Variants in RBFOX2 observed in about 807,000 individuals in gnomAD.
RBFOX2 encodes the protein RNA binding fox-1 homolog 2.
RBFOX2 carries 10 observed loss-of-function variants against 49.1 expected under a neutral mutation model. The ratio of observed to expected loss-of-function variants is 0.20; its 90% CI spans 0.13 to 0.35. The LOEUF is 0.35. RBFOX2 is among the 10% of genes least tolerant of loss of function. RBFOX2 has a pLI of 1.00. For missense variants in RBFOX2, 323 were observed against 486.9 expected, an observed-to-expected ratio of 0.66 and a Z score of 3.17; for synonymous variants, 183 against 187.4, an observed-to-expected ratio of 0.98 and a Z score of 0.19.
intron 1 of RBFOX2, among the ~76,000 whole-genome samples, chr22:35,967,996 T>C (rs2056661532): frequency 6.6e-6 from 1 of 152,188 alleles, no homozygotes; most frequent in South Asian, 2.1e-4. Flanking sequence ...AACATGTATA[T>C]GTATACACAT....
intron 1 of RBFOX2, among the ~76,000 whole-genome samples, chr22:36,022,261 T>A (rs2059273436): frequency 6.6e-6 from 1 of 152,202 alleles, no homozygotes; most frequent in Admixed American, 6.5e-5. Flanking sequence ...ATAACTCAAT[T>A]TCTTTCTCAG....
intron 1 of RBFOX2, among the ~76,000 whole-genome samples, chr22:35,814,427 G>A (rs1952549626): frequency 6.6e-6 from 1 of 151,930 alleles, no homozygotes; most frequent in Non-Finnish European, 1.5e-5. Flanking sequence ...ATAATGACAA[G>A]GCCCTGCATG....
intron 1 of RBFOX2, among the ~76,000 whole-genome samples, chr22:35,978,087 T>C (rs1438076225): frequency 1.3e-5 from 2 of 151,506 alleles, no homozygotes; most frequent in Non-Finnish European, 2.9e-5. Context: ...GGTGGTGGAG[T>C]CAGCCATCGC....
chr22:36,028,413 C>T lies in RBFOX2; in HGVS notation c.13G>A (p.Ala5Thr), dbSNP rs1285777321. 6 of 1,228,526 alleles carry T rather than the reference C, an allele frequency of 4.9e-6. 1 individual carries two copies. Among genetic ancestry groups the T allele is most frequent in the Non-Finnish European group, 6.1e-6 (6 of 987,896 alleles). The allele number at this position is 1,228,526 out of a possible 1,614,324, so 76.1% of individuals were successfully genotyped here. A position where few individuals can be genotyped will look rare whatever the true frequency, so the allele number is the denominator to read the frequency against. ...AGCTGAGGCGGCTGATGCGGCTGGG[C>T]GCCCTCCGCCATCCGCCCGCGCCCC... is the stretch of plus-strand genomic sequence containing the variant. Residue 5 changes from alanine to threonine, a missense_variant, in exon 1 of 14, where the codon GCC (alanine) becomes ACC (threonine). Transcript: ENST00000438146.
chr22:35,893,706 C>T lies in RBFOX2; in HGVS notation c.-34+45141G>A, dbSNP rs115670097. 2.6e-3 allele frequency among the ~76,000 whole-genome samples: 395 copies of T among 152,296 alleles called. 4 individuals are homozygous for T. Among genetic ancestry groups the T allele is most frequent in the African/African-American group, 9.3e-3 (386 of 41,548 alleles). On this transcript the variant is annotated intron_variant, in intron 1 of 13. Coordinates refer to the RBFOX2 transcript ENST00000359369. ...ATGAAGGGAGAAGCACGAAAAGCAG[C>T]CCCTCCGAACATACACACATACATA...
At chr22:35,908,979 A>T (rs1487839045) in intron 1 of RBFOX2, among the ~76,000 whole-genome samples, 1 of 151,974 alleles carries the variant, frequency 6.6e-6, no homozygotes, top group Admixed American at 6.6e-5. Flanking sequence ...AGTAGCTGGG[A>T]CTACAGGCGC....
At chr22:36,028,179 C>A in intron 1 of RBFOX2, 61 bp downstream of exon 1, 1 of 1,395,664 alleles carries the variant, frequency 7.2e-7, no homozygotes, top group Non-Finnish European at 9.3e-7. Flanking sequence ...AGCCGGGGAG[C>A]CCGGTGTCGA....
intron 1 of RBFOX2, among the ~76,000 whole-genome samples, chr22:35,825,151 C>T (rs1251835123): frequency 1.3e-5 from 2 of 152,152 alleles, no homozygotes; most frequent in South Asian, 2.1e-4. Flanking sequence ...ACCCAGGAGG[C>T]GGAGGTTGCA....
intron 1 of RBFOX2, among the ~76,000 whole-genome samples, chr22:35,823,795 T>A (rs772156456): frequency 2.6e-5 from 4 of 152,216 alleles, no homozygotes; most frequent in African/African-American, 9.6e-5. Context: ...TGTATACTTA[T>A]GCTTTAATAA....
At chr22:35,764,157 T>C (rs188629682) in intron 6 of RBFOX2, among the ~76,000 whole-genome samples, 172 of 152,320 alleles carry the variant, frequency 1.1e-3, no homozygotes, top group African/African-American at 4.1e-3. Flanking sequence ...ATTTGTATCA[T>C]CTATGTGAAA....
intron 9 of RBFOX2, 149 bp downstream of exon 11, chr22:35,755,956 A>AATAT (rs148877037): frequency 1.8e-5 from 6 of 334,748 alleles, no homozygotes; most frequent in South Asian, 1.3e-4. Context: ...TAAATATATA[A>AATAT]ATATATATAT....
intron 1 of RBFOX2, among the ~76,000 whole-genome samples, chr22:35,865,809 A>G (rs1252964171): frequency 7.2e-5 from 11 of 152,224 alleles, no homozygotes; most frequent in Admixed American, 7.2e-4. Flanking sequence ...ATTCCAAATG[A>G]TAATACATAT....
chr22:35,809,771 T>A lies in RBFOX2; in HGVS notation c.252+9A>T, dbSNP rs201728694. ...CATCCTTCCATTTTTCACCTCATGGTCCACGTACCGTAAGAGATCCATTTT... is the reference window on the plus strand; with the variant it reads ...CATCCTTCCATTTTTCACCTCATGGACCACGTACCGTAAGAGATCCATTTT... On this transcript the variant is annotated intron_variant, in intron 2 of 11. Coordinates refer to ENST00000405409, the Ensembl canonical transcript of RBFOX2. 9 of 1,612,714 alleles carry A rather than the reference T, an allele frequency of 5.6e-6. No homozygotes were observed. The East Asian group carries it at 2.0e-4, about 36-fold the overall frequency.
At position 36,026,553 on chromosome 22, in the gene RBFOX2, C is replaced by G. The variant is rs919605040; in HGVS notation, c.186+1687G>C. Among the ~76,000 whole-genome samples, 3 of 151,824 alleles carry G rather than the reference C, an allele frequency of 2.0e-5. No homozygotes were observed. The South Asian group carries it at 6.4e-4, about 32-fold the overall frequency. On this transcript the variant is annotated intron_variant, in intron 1 of 13. Coordinates refer to the RBFOX2 transcript ENST00000438146. ...ATAAATGAATACATACACACACACA[C>G]ACACACACACACACACACACCAAGT... is the stretch of plus-strand genomic sequence containing the variant.
At chr22:35,808,079 T>C (rs1951103006) in intron 2 of RBFOX2, among the ~76,000 whole-genome samples, 1 of 152,170 alleles carries the variant, frequency 6.6e-6, no homozygotes, top group African/African-American at 2.4e-5. Flanking sequence ...AATTTATTAA[T>C]TAAAACACCT....
chr22:35,951,098 C>A (rs187889721), intron 1 of RBFOX2, among the ~76,000 whole-genome samples: 2 of 151,376 alleles, frequency 1.3e-5, no homozygotes, highest in Admixed American at 1.3e-4. Flanking sequence ...GGATTACAGG[C>A]GCGTGCCACC....
intron 1 of RBFOX2, among the ~76,000 whole-genome samples, chr22:35,838,650 G>C (rs200980701): frequency 2.9e-4 from 44 of 152,110 alleles, no homozygotes; most frequent in Non-Finnish European, 1.8e-4. Context: ...CCTCCACTTG[G>C]CTCTCATGGC....
At chr22:35,894,718 T>C (rs2047632490) in intron 1 of RBFOX2, among the ~76,000 whole-genome samples, 1 of 152,200 alleles carries the variant, frequency 6.6e-6, no homozygotes, top group Non-Finnish European at 1.5e-5. Context: ...GTCTGTGCTC[T>C]GTGGGGAGGC....
At chr22:35,809,265 C>G (rs909907985) in intron 2 of RBFOX2, among the ~76,000 whole-genome samples, 2 of 152,032 alleles carry the variant, frequency 1.3e-5, no homozygotes, top group African/African-American at 4.8e-5. Context: ...CAAGGTCACA[C>G]AGTTTAGTAG....
Sources: allele counts gnomAD v4.1 joint callset (sites outside exome capture counted in the v4.1 genomes callset), GRCh38; gene constraint gnomAD v4.1.1; transcripts MANE v1.5; gene names NCBI Gene and HGNC (gene_info 2026-07-23, HGNC 2026-07-21).